The following GNL3 variants were observed in gnomAD, a reference collection of about 807,000 sequenced individuals.
GNL3 encodes guanine nucleotide-binding protein-like 3.
GNL3 carries 77 observed loss-of-function variants against 70.6 expected under a neutral mutation model. The observed-to-expected ratio is 1.09, with a 90% CI of 0.91 to 1.32. The LOEUF is 1.32. GNL3 is among the 40% of genes most tolerant of loss of function. GNL3 has a pLI of 0.00. For synonymous variants in GNL3, 252 were observed against 216.1 expected, an observed-to-expected ratio of 1.17 and a Z score of -1.46; for missense variants, 634 against 644.0, an observed-to-expected ratio of 0.98 and a Z score of 0.17.
chr3:52,694,330 C>T lies in GNL3; in HGVS notation c.*55C>T. 1.1e-6 allele frequency: 1 copy of T among 952,170 alleles called. No homozygotes were observed. 59.0% of individuals were successfully genotyped at this position (952,170 alleles called of 1,614,324 possible). A position where few individuals can be genotyped will look rare whatever the true frequency, so the allele number is the denominator to read the frequency against. ...TTAACATTTTAAGCAGACTGCTAAA[C>T]TGTTCTCTGTATAAGTTATGGTATG... is the stretch of plus-strand genomic sequence containing the variant. On this transcript the variant is annotated 3_prime_UTR_variant, in exon 15 of 15. Coordinates refer to ENST00000418458, the MANE Select transcript of GNL3 (RefSeq NM_014366.5).
chr3:52,686,494 C>A, intron 1 of GNL3: 1 of 570,036 alleles, frequency 1.8e-6, no homozygotes. Context: ...CTGTTTGACA[C>A]GAAGTGGTTG....
At chr3:52,692,748 AT>A (rs1335511745) in intron 9 of GNL3, 123 bp from the exon 10 acceptor site, 12 of 790,336 alleles carry the variant, frequency 1.5e-5, no homozygotes, top group Non-Finnish European at 2.7e-5. Flanking sequence ...TGTGAAGCAA[AT>A]GATGATAAAC....
At chr3:52,690,871 G>A in intron 7 of GNL3, 74 bp from the exon 8 acceptor site, 1 of 1,470,674 alleles carries the variant, frequency 6.8e-7, no homozygotes, top group Non-Finnish European at 9.5e-7. Context: ...CTGGGCTCTG[G>A]AGCCTGATTG....
intron 1 of GNL3, chr3:52,686,481 G>C: frequency 1.8e-6 from 1 of 568,320 alleles, no homozygotes; most frequent in Non-Finnish European, 3.1e-6. Context: ...CTTATGATTC[G>C]TGCTGTTTGA....
rs2097328758 is a variant in GNL3, at chr3:52,692,920, T to C, written c.918T>C (p.Ser306=). 1 of 1,613,568 alleles carries C rather than the reference T, an allele frequency of 6.2e-7. No individual in the cohort carries two copies. The highest frequency in any genetic ancestry group is 8.5e-7 in the Non-Finnish European group (1 of 1,179,514). ...ACAAACAGATCACAATCATAGATAG[T>C]CCGAGCTTCATCGTATCTCCACTTA... The part of the protein sequence containing the change: ...PLDKQITIID[S]PSFIVSPLNS... The change falls in exon 10 of 15, where the codon AGT becomes AGC. Residue 306 remains serine, a synonymous_variant. Coordinates refer to ENST00000418458, the MANE Select transcript of GNL3 (RefSeq NM_014366.5).
intron 9 of GNL3, 198 bp from the exon 10 acceptor site, chr3:52,692,674 A>C (rs1405510174): frequency 1.4e-6 from 1 of 734,268 alleles, no homozygotes; most frequent in African/African-American, 1.7e-5. Flanking sequence ...ATGTAAATAT[A>C]TAAGCTATAA....
intron 9 of GNL3, 40 bp downstream of exon 9, chr3:52,691,669 C>A: frequency 5.0e-5 from 48 of 963,062 alleles, no homozygotes; most frequent in Non-Finnish European, 7.4e-5. Context: ...TATAGTGACA[C>A]ACTATTTTAT....
At position 52,686,643 on chromosome 3, in the gene GNL3, G is replaced by A. The variant is rs2097313807; in HGVS notation, c.14-126G>A. On this transcript the variant is annotated intron_variant, in intron 1 of 14. Coordinates refer to ENST00000418458, the MANE Select transcript of GNL3 (RefSeq NM_014366.5). The stretch of plus-strand genomic sequence containing the variant: ...AAAGTAGCACGTATGTTTGCATTAG[G>A]CATTTCGCATTAGACTTAACGTTAG... 8.7e-6 allele frequency: 6 copies of A among 686,362 alleles called. No individual in the cohort carries two copies. The East Asian group carries it at 1.3e-4, about 15-fold the overall frequency. 42.5% of individuals were successfully genotyped at this position (686,362 alleles called of 1,614,324 possible).
intron 1 of GNL3, 115 bp from the exon 2 acceptor site, chr3:52,686,654 T>G: frequency 1.3e-6 from 1 of 746,784 alleles, no homozygotes; most frequent in Non-Finnish European, 2.3e-6. Flanking sequence ...CATTTCGCAT[T>G]AGACTTAACG....
Position 52,693,284 on chromosome 3 carries a change from C to T in GNL3, c.1142C>T (p.Pro381Leu), listed in dbSNP as rs759985418. Reference protein sequence around the residue: ...RRGMHQKGGIPNVEGAAKLLW... With the variant: ...RRGMHQKGGILNVEGAAKLLW... ...GGTATGCACCAAAAAGGTGGAATCC[C>T]AAATGTTGAAGGTGCTGCCAAACTG... is the stretch of plus-strand genomic sequence containing the variant. The change falls in exon 11 of 15, where the codon CCA (proline) becomes CTA (leucine). Residue 381 changes from proline to leucine, a missense_variant. Transcript: ENST00000418458. The T allele has an allele frequency of 6.2e-7, 1 of 1,614,060 alleles. No homozygotes were observed. Among genetic ancestry groups the T allele is most frequent in the Non-Finnish European group, 8.5e-7 (1 of 1,180,000 alleles).
In GNL3 at chr3:52,694,383, G is replaced by A. The variant is rs1428029990; in HGVS notation, c.*108G>A. On this transcript the variant is annotated 3_prime_UTR_variant, in exon 15 of 15. Transcript: ENST00000418458. ...TGAGCTGTGTAAATTTTGTGAATAT[G>A]TATTATATTAAAACCAGGCAACTTG... The A allele has an allele frequency of 7.8e-6, 5 of 639,006 alleles. No homozygotes were observed. Among genetic ancestry groups the A allele is most frequent in the African/African-American group, 3.7e-5 (2 of 54,348 alleles). 39.6% of individuals were successfully genotyped at this position (639,006 alleles called of 1,614,324 possible). A position where few individuals can be genotyped will look rare whatever the true frequency, so the allele number is the denominator to read the frequency against.
chr3:52,690,860 G>C, intron 7 of GNL3, 85 bp from the exon 8 acceptor site: 1 of 1,378,002 alleles, frequency 7.3e-7, no homozygotes, highest in Non-Finnish European at 1.0e-6. Context: ...TATCTTAAGA[G>C]CTGGGCTCTG....
chr3:52,686,473 T>A (rs72960212), intron 1 of GNL3: 30,132 of 568,256 alleles, frequency 0.053, 3,468 homozygotes, highest in African/African-American at 0.35. Context: ...TCTCCTGCCT[T>A]ATGATTCGTG....
intron 2 of GNL3, 170 bp from the exon 3 acceptor site, chr3:52,687,076 G>C (rs995911060): frequency 6.0e-5 from 39 of 647,350 alleles, no homozygotes; most frequent in Admixed American, 8.8e-5. Flanking sequence ...ACAATTTCTT[G>C]CTGTTTTATA....
At chr3:52,691,270 G>A (rs2097326979) in intron 8 of GNL3, 199 bp downstream of exon 8, 3 of 614,658 alleles carry the variant, frequency 4.9e-6, no homozygotes, top group Admixed American at 3.1e-5. Flanking sequence ...CACAACTGCT[G>A]CCAGATTCAG....
chr3:52,687,523 C>T lies in GNL3; in HGVS notation c.232C>T (p.Gln78Ter), dbSNP rs1399694665. 2.5e-6 allele frequency: 4 copies of T among 1,613,240 alleles called. No individual in the cohort carries two copies. In the Admixed American group the frequency reaches 6.7e-5, roughly 27 times the overall value. ...ACAGCTTGAAGAACTAAAACAGCAGCAGAAACTTGACAGGCAGAAGGAACT... is the reference window on the plus strand; with the variant it reads ...ACAGCTTGAAGAACTAAAACAGCAGTAGAAACTTGACAGGCAGAAGGAACT... The part of the protein sequence containing the change: ...KQRLEELKQQ[Q>*]KLDRQKELEK... Residue 78 changes from glutamine (Q) to a stop codon, truncating the protein, a stop_gained, in exon 4 of 15, where the codon CAG (glutamine) becomes TAG (stop). Transcript: ENST00000418458. LOFTEE classifies it high-confidence loss of function.
At position 52,694,477 on chromosome 3, in the gene GNL3, A is replaced by C; in HGVS notation, c.*202A>C. 1 of 581,332 alleles carries C rather than the reference A, an allele frequency of 1.7e-6. No homozygotes were observed. The highest frequency in any genetic ancestry group is 3.0e-6 in the Non-Finnish European group (1 of 328,944). The allele number at this position is 581,332 out of a possible 1,614,324, so 36.0% of individuals were successfully genotyped here. A position where few individuals can be genotyped will look rare whatever the true frequency, so the allele number is the denominator to read the frequency against. Reference sequence around the variant, plus strand: ...TGGAAGTAGTTATCTGGAATAAAAAAAGAAGATACCTATTGAAAAATGTAA... The same window carrying C: ...TGGAAGTAGTTATCTGGAATAAAAACAGAAGATACCTATTGAAAAATGTAA... On this transcript the variant is annotated 3_prime_UTR_variant, in exon 15 of 15. Coordinates refer to ENST00000418458, the MANE Select transcript of GNL3 (RefSeq NM_014366.5).
At chr3:52,687,838 G>A in intron 4 of GNL3, 1 of 592,784 alleles carries the variant, frequency 1.7e-6, no homozygotes, top group Middle Eastern at 4.5e-4. Context: ...TATTGCCAAG[G>A]CTGGTCTCAA....
intron 9 of GNL3, 23 bp from the exon 10 acceptor site, chr3:52,692,849 C>T (rs747702279): frequency 6.3e-7 from 1 of 1,594,692 alleles, no homozygotes; most frequent in Non-Finnish European, 8.6e-7. Flanking sequence ...ATGCCCCCAT[C>T]AATTCCATCG....
Sources: allele counts gnomAD v4.1 joint callset, GRCh38; gene constraint gnomAD v4.1.1; transcripts MANE v1.5; gene names NCBI Gene and HGNC (gene_info 2026-07-23, HGNC 2026-07-21).